The following RPS6KA2 variants were observed in gnomAD, a reference collection of about 807,000 sequenced individuals.
The protein encoded by RPS6KA2 is ribosomal protein S6 kinase alpha-2.
Under a neutral mutation model 91.8 loss-of-function variants are expected in RPS6KA2, and 42 were observed. The observed-to-expected ratio is 0.46, with a 90% CI of 0.36 to 0.59. RPS6KA2 has a LOEUF of 0.59. Ranked by LOEUF, RPS6KA2 falls within the 20% of genes least tolerant of loss-of-function variation. The probability of loss-of-function intolerance (pLI) is 0.00; values close to 1 mark genes in which losing one functional copy is unlikely to be tolerated. For synonymous variants in RPS6KA2, 414 were observed against 393.6 expected, an observed-to-expected ratio of 1.05 and a Z score of -0.61; for missense variants, 798 against 978.5, an observed-to-expected ratio of 0.82 and a Z score of 2.46.
chr6:166,843,120 C>T (rs1182719681), intron 2 of RPS6KA2, among the ~76,000 whole-genome samples: 1 of 152,082 alleles, frequency 6.6e-6, no homozygotes, highest in Non-Finnish European at 1.5e-5. Flanking sequence ...CCGCCTTTAC[C>T]CCACTTTCCT....
intron 2 of RPS6KA2, among the ~76,000 whole-genome samples, chr6:166,691,040 G>A (rs1789192961): frequency 6.6e-6 from 1 of 152,164 alleles, no homozygotes; most frequent in Non-Finnish European, 1.5e-5. Flanking sequence ...ATTCTTGATG[G>A]TTTTAAACCA....
Position 166,789,233 on chromosome 6 carries a change from T to C in RPS6KA2, c.123+68967A>G, listed in dbSNP as rs1029270346. Reference sequence around the variant, plus strand: ...TATATCCCACACCTGGCTCGGAGGGTCCTACGCCCACGGAGTCTCGCTGAT... The same window carrying C: ...TATATCCCACACCTGGCTCGGAGGGCCCTACGCCCACGGAGTCTCGCTGAT... On this transcript the variant is annotated intron_variant, in intron 2 of 21. Transcript: ENST00000503859. Among the ~76,000 whole-genome samples the C allele has an allele frequency of 3.0e-4, 45 of 151,996 alleles. 1 individual carries two copies. Among genetic ancestry groups the C allele is most frequent in the Non-Finnish European group, 1.3e-4 (9 of 67,984 alleles).
intron 2 of RPS6KA2, among the ~76,000 whole-genome samples, chr6:166,682,789 C>T (rs10484524): frequency 0.16 from 23,951 of 152,160 alleles, 2,114 homozygotes; most frequent in Middle Eastern, 0.24. Flanking sequence ...GTCCTCAGAG[C>T]GCCCTATGAC....
At chr6:166,742,864 A>T (rs1431654893) in intron 2 of RPS6KA2, among the ~76,000 whole-genome samples, 1 of 152,248 alleles carries the variant, frequency 6.6e-6, no homozygotes, top group Non-Finnish European at 1.5e-5. Flanking sequence ...ACACACAAAC[A>T]GACCCCATAG....
intron 1 of RPS6KA2, among the ~76,000 whole-genome samples, chr6:166,616,372 G>A (rs916389): frequency 0.25 from 37,899 of 152,032 alleles, 5,636 homozygotes; most frequent in African/African-American, 0.43. Context: ...CCCCTCACCA[G>A]CTGCAGGAGA....
chr6:166,663,573 A>G (rs1788222339), intron 2 of RPS6KA2, among the ~76,000 whole-genome samples: 1 of 152,250 alleles, frequency 6.6e-6, no homozygotes, highest in Admixed American at 6.5e-5. Flanking sequence ...TCCCTTCTCC[A>G]AAAGGAATAC....
intron 2 of RPS6KA2, among the ~76,000 whole-genome samples, chr6:166,687,439 G>A (rs144732488): frequency 2.6e-4 from 40 of 152,304 alleles, no homozygotes; most frequent in African/African-American, 7.2e-4. Flanking sequence ...GCCTGTGAGC[G>A]TGGCCTTGTT....
chr6:166,671,067 C>T (rs1788459138), intron 2 of RPS6KA2, among the ~76,000 whole-genome samples: 1 of 152,150 alleles, frequency 6.6e-6, no homozygotes, highest in Admixed American at 6.5e-5. Flanking sequence ...CCCGTCTCTA[C>T]CTCCCAAAGT....
At chr6:166,632,350 C>T (rs1044115109) in intron 2 of RPS6KA2, among the ~76,000 whole-genome samples, 3 of 152,298 alleles carry the variant, frequency 2.0e-5, no homozygotes, top group African/African-American at 4.8e-5. Flanking sequence ...GGGTAGCTCA[C>T]GCCTATAATC....
At chr6:166,504,950 G>A (rs529934001) in intron 5 of RPS6KA2, among the ~76,000 whole-genome samples, 120 of 152,306 alleles carry the variant, frequency 7.9e-4, no homozygotes, top group African/African-American at 2.7e-3. Flanking sequence ...TTACATTCTA[G>A]CATGAGTGCT....
intron 2 of RPS6KA2, among the ~76,000 whole-genome samples, chr6:166,716,056 A>G (rs1339190657): frequency 3.2e-4 from 32 of 99,164 alleles, no homozygotes; most frequent in Middle Eastern, 4.3e-3. Flanking sequence ...AAAAAAAAAA[A>G]AAAAAGAAGG....
At position 166,748,673 on chromosome 6, in the gene RPS6KA2, T is replaced by C. The variant is rs1461656069; in HGVS notation, c.123+109527A>G. On this transcript the variant is annotated intron_variant, in intron 2 of 21. Coordinates refer to the RPS6KA2 transcript ENST00000503859. Reference sequence around the variant, plus strand: ...GCCCCCACCTCCTCAGGCCCCCATCTCCTCGGTCCCCCATTTCCTCAGGCC... The same window carrying C: ...GCCCCCACCTCCTCAGGCCCCCATCCCCTCGGTCCCCCATTTCCTCAGGCC... Among the ~76,000 whole-genome samples, 192 of 40,586 alleles carry C rather than the reference T, an allele frequency of 4.7e-3. 7 individuals carry two copies. Among genetic ancestry groups the C allele is most frequent in the Middle Eastern group, 0.014 (1 of 70 alleles). The allele number at this position is 40,586 out of a possible 152,430, so 26.6% of individuals were successfully genotyped here. A position where few individuals can be genotyped will look rare whatever the true frequency, so the allele number is the denominator to read the frequency against.
intron 2 of RPS6KA2, among the ~76,000 whole-genome samples, chr6:166,727,651 C>T (rs1378708119): frequency 1.3e-5 from 2 of 152,046 alleles, no homozygotes; most frequent in Non-Finnish European, 2.9e-5. Flanking sequence ...TGAACACCCT[C>T]AGGTATCAGC....
rs910222414 is a variant in RPS6KA2 at position 166,603,795 on chromosome 6, C to A, written c.99+23126G>T. Among the ~76,000 whole-genome samples the A allele has an allele frequency of 6.6e-6, 1 of 152,148 alleles. No individual in the cohort carries two copies. The highest frequency in any genetic ancestry group is 2.4e-5 in the African/African-American group (1 of 41,428). ...GTGGCCCAGGTGTATCAAATAAATG[C>A]CCCCGTACTGTTGTTTGCGATAACA... On this transcript the variant is annotated intron_variant, in intron 1 of 20. Coordinates refer to ENST00000265678, the MANE Select transcript of RPS6KA2 (RefSeq NM_021135.6). This position sits in a 1 kb window ranked among gnomAD's most constrained non-coding sequence, Gnocchi z 4.3.
At position 166,497,157 on chromosome 6, in the gene RPS6KA2, C is replaced by T. The variant is rs529624584; in HGVS notation, c.747+1351G>A. ...AGGGGTGACCGTGGGGGACTTAGCTCTGTGGTCTCCGCATGGAGAGGACCT... is the reference window on the plus strand; with the variant it reads ...AGGGGTGACCGTGGGGGACTTAGCTTTGTGGTCTCCGCATGGAGAGGACCT... On this transcript the variant is annotated intron_variant, in intron 8 of 20. Coordinates refer to ENST00000265678, the MANE Select transcript of RPS6KA2 (RefSeq NM_021135.6). Among the ~76,000 whole-genome samples the T allele has an allele frequency of 2.0e-5, 3 of 152,372 alleles. No homozygotes were observed. In the South Asian group the frequency reaches 6.2e-4, roughly 32 times the overall value.
intron 2 of RPS6KA2, among the ~76,000 whole-genome samples, chr6:166,664,193 C>G (rs938386059): frequency 1.3e-5 from 2 of 152,246 alleles, no homozygotes; most frequent in African/African-American, 4.8e-5. Flanking sequence ...GAGACCATAA[C>G]AAACATTACC....
intron 11 of RPS6KA2, among the ~76,000 whole-genome samples, chr6:166,464,876 A>G (rs1313801806): frequency 3.9e-5 from 6 of 152,240 alleles, no homozygotes; most frequent in Non-Finnish European, 5.9e-5. Flanking sequence ...CTAAATTAAA[A>G]GGCAGCAGCC....
At chr6:166,842,628 A>T (rs1391117644) in intron 2 of RPS6KA2, among the ~76,000 whole-genome samples, 2 of 152,248 alleles carry the variant, frequency 1.3e-5, no homozygotes, top group Non-Finnish European at 2.9e-5. Flanking sequence ...TGTATCCATA[A>T]CGGACCCGAA....
At chr6:166,614,849 T>C (rs2128535939) in intron 1 of RPS6KA2, among the ~76,000 whole-genome samples, 1 of 152,286 alleles carries the variant, frequency 6.6e-6, no homozygotes, top group Non-Finnish European at 1.5e-5. Context: ...CTCTTGTGAT[T>C]ACATTTAGGG....
Sources: allele counts gnomAD v4.1 joint callset (sites outside exome capture counted in the v4.1 genomes callset), GRCh38; gene constraint gnomAD v4.1.1; non-coding constraint Gnocchi (gnomAD v3.1); transcripts MANE v1.5; gene names NCBI Gene and HGNC (gene_info 2026-07-23, HGNC 2026-07-21).